TDRD9: variants seen among roughly 807,000 people sequenced by gnomAD.
TDRD9 encodes the protein ATP-dependent RNA helicase TDRD9.
A neutral mutation model predicts 172.6 loss-of-function variants in TDRD9; 124 were observed. That is an observed-to-expected ratio of 0.72 (90% CI 0.62 to 0.83). TDRD9 has a LOEUF of 0.83. Ranked by LOEUF, TDRD9 falls within the 40% of genes least tolerant of loss-of-function variation. The probability of loss-of-function intolerance (pLI) is 0.00; values close to 1 mark genes in which losing one functional copy is unlikely to be tolerated. For synonymous variants in TDRD9, 619 were observed against 617.1 expected, an observed-to-expected ratio of 1.00 and a Z score of -0.05; for missense variants, 1,479 against 1,714.1, an observed-to-expected ratio of 0.86 and a Z score of 2.42.
Position 104,016,052 on chromosome 14 carries a change from G to A in TDRD9, c.2295G>A (p.Arg765=). 1 of 1,604,436 alleles carries A rather than the reference G, an allele frequency of 6.2e-7. No individual in the cohort carries two copies. Among genetic ancestry groups the A allele is most frequent in the Non-Finnish European group, 8.5e-7 (1 of 1,175,758 alleles). ...FGQPDEEMAV[R]ELAGKDPKTT... ...AGCCGGATGAGGAGATGGCGGTGAG[G>A]GAGCTGGCTGGCAAGGACCCCAAGA... The change falls in exon 22 of 36, where the codon AGG becomes AGA. Residue 765 remains arginine (R), a synonymous_variant. Transcript: ENST00000409874.
intron 13 of TDRD9, among the ~76,000 whole-genome samples, 167 bp downstream of exon 13, chr14:103,998,895 C>A (rs2034156903): frequency 6.6e-6 from 1 of 151,946 alleles, no homozygotes; most frequent in South Asian, 2.1e-4. Flanking sequence ...CGGGTTCTTG[C>A]CATTCTCCTG....
intron 20 of TDRD9, among the ~76,000 whole-genome samples, chr14:104,009,034 A>G (rs2034529473): frequency 6.6e-6 from 1 of 152,266 alleles, no homozygotes; most frequent in Non-Finnish European, 1.5e-5. Flanking sequence ...ATCCTTGTGC[A>G]AACAGCATAG....
intron 32 of TDRD9, among the ~76,000 whole-genome samples, chr14:104,035,420 C>T (rs2035421471): frequency 6.6e-6 from 1 of 152,200 alleles, no homozygotes; most frequent in African/African-American, 2.4e-5. Flanking sequence ...CAGTTGTCGA[C>T]AAGAACCCGT....
At chr14:104,025,947 C>T in intron 26 of TDRD9, 100 bp from the exon 27 acceptor site, 1 of 1,001,470 alleles carries the variant, frequency 1.0e-6, no homozygotes, top group Non-Finnish European at 1.5e-6. Context: ...TCCAAGAATT[C>T]TATAATTATA....
intron 23 of TDRD9, among the ~76,000 whole-genome samples, chr14:104,019,467 C>T (rs1479199902): frequency 1.3e-5 from 2 of 152,040 alleles, no homozygotes; most frequent in Admixed American, 1.3e-4. Flanking sequence ...TTGCCTGGGA[C>T]CTTTTTTATA....
At chr14:103,990,665 C>T (rs2033832084) in intron 8 of TDRD9, among the ~76,000 whole-genome samples, 2 of 152,192 alleles carry the variant, frequency 1.3e-5, no homozygotes, top group Non-Finnish European at 2.9e-5. Context: ...CTGTATCTTA[C>T]ACAGAGGAGG....
intron 1 of TDRD9, among the ~76,000 whole-genome samples, chr14:103,933,756 T>C (rs2030559554): frequency 1.3e-5 from 2 of 152,162 alleles, no homozygotes; most frequent in Admixed American, 1.3e-4. Flanking sequence ...TGAAGTTGAA[T>C]GCCTGCTGTA....
In TDRD9 at chr14:104,052,062, C is replaced by A. The variant is rs779226947; in HGVS notation, c.4129C>A (p.Leu1377Met). Reference sequence around the variant, plus strand: ...CACCTTTCTCTACCAGCTCCACAAACTGGTTGTGCTCGGCACCTGAGCATG... The same window carrying A: ...CACCTTTCTCTACCAGCTCCACAAAATGGTTGTGCTCGGCACCTGAGCATG... ...KNTFLYQLHK[L>M]VVLGT The change falls in exon 36 of 36, where the codon CTG (leucine) becomes ATG (methionine). Residue 1377 changes from leucine to methionine, a missense_variant. Physicochemically the swap from Leu to Met is conservative, Grantham distance 15. Around this residue, in one of 3 missense-constraint regions of TDRD9, gnomAD observed 1,413 missense variants for 1,649.1 expected, o/e 0.86. Coordinates refer to ENST00000409874, the MANE Select transcript of TDRD9 (RefSeq NM_153046.3). 8 of 1,580,052 alleles carry A rather than the reference C, an allele frequency of 5.1e-6. No homozygotes were observed. Among genetic ancestry groups the A allele is most frequent in the Non-Finnish European group, 5.2e-6 (6 of 1,162,384 alleles).
rs373594772 is a variant in TDRD9, at chr14:104,025,647, C to A, written c.2802C>A (p.Asn934Lys). 4.3e-6 allele frequency: 7 copies of A among 1,613,908 alleles called. No homozygotes were observed. The highest frequency in any genetic ancestry group is 2.5e-6 in the Non-Finnish European group (3 of 1,179,902). ...EILKKLTAEI[N>K]QLTLVPLPTH... ...TGAAAAAGCTTACTGCTGAAATCAACCAACTGACGCTGGTGCCCTTGCCCA... is the reference window on the plus strand; with the variant it reads ...TGAAAAAGCTTACTGCTGAAATCAAACAACTGACGCTGGTGCCCTTGCCCA... The change falls in exon 26 of 36, where the codon AAC (asparagine) becomes AAA (lysine). Residue 934 changes from asparagine to lysine, a missense_variant. By Grantham distance (94) the Asn-to-Lys change is moderately conservative. Around this residue, in one of 3 missense-constraint regions of TDRD9, gnomAD observed 1,413 missense variants for 1,649.1 expected, o/e 0.86. Transcript: ENST00000409874.
At chr14:104,037,156 C>T (rs545445436) in intron 32 of TDRD9, among the ~76,000 whole-genome samples, 28 of 152,124 alleles carry the variant, frequency 1.8e-4, no homozygotes, top group African/African-American at 6.3e-4. Flanking sequence ...TCTTCTGCAG[C>T]GAGCAGGAGG....
intron 1 of TDRD9, among the ~76,000 whole-genome samples, chr14:103,946,669 C>T (rs576080704): frequency 1.3e-5 from 2 of 152,304 alleles, no homozygotes; most frequent in Admixed American, 6.5e-5. Flanking sequence ...TCCACAAAAA[C>T]CTGTCAGAAC....
chr14:104,034,904 G>T, intron 31 of TDRD9, 56 bp from the exon 32 acceptor site: 3 of 1,404,190 alleles, frequency 2.1e-6, no homozygotes, highest in Non-Finnish European at 2.9e-6. Context: ...GGGAGGGAAC[G>T]CTGCCCTGAG....
At chr14:103,960,492 C>T (rs1046491962) in intron 2 of TDRD9, among the ~76,000 whole-genome samples, 2 of 152,162 alleles carry the variant, frequency 1.3e-5, no homozygotes, top group African/African-American at 4.8e-5. Context: ...GTCCTCATGC[C>T]GTTTTTGGAT....
At chr14:103,958,464 C>T (rs572669096) in intron 2 of TDRD9, among the ~76,000 whole-genome samples, 2 of 152,276 alleles carry the variant, frequency 1.3e-5, no homozygotes, top group South Asian at 4.1e-4. Flanking sequence ...TTCTAATCCC[C>T]AGGACCTGTG....
At chr14:104,038,204 GTGGGGGGA>G (rs1373017554) in intron 32 of TDRD9, among the ~76,000 whole-genome samples, 1 of 152,142 alleles carries the variant, frequency 6.6e-6, no homozygotes, top group Non-Finnish European at 1.5e-5. Flanking sequence ...GCATGAGAGG[GTGGGGGGA>G]TCTTTAAACA....
At chr14:104,043,075 A>T (rs915730659) in intron 34 of TDRD9, among the ~76,000 whole-genome samples, 1 of 151,820 alleles carries the variant, frequency 6.6e-6, no homozygotes, top group Non-Finnish European at 1.5e-5. Flanking sequence ...GCTCAAGCTG[A>T]GTGCAGTGGT....
intron 34 of TDRD9, among the ~76,000 whole-genome samples, chr14:104,046,629 C>T (rs571338926): frequency 6.6e-6 from 1 of 150,762 alleles, no homozygotes; most frequent in East Asian, 2.0e-4. Flanking sequence ...AGCATTAGTC[C>T]TCCTGTTTTA....
At chr14:103,974,950 T>TCGAGACTC (rs1346606473) in intron 6 of TDRD9, among the ~76,000 whole-genome samples, 1 of 152,098 alleles carries the variant, frequency 6.6e-6, no homozygotes. Context: ...ATTTATTTTT[T>TCGAGACTC]TGTAGAGACA....
chr14:104,014,232 A>C (rs1428382098), intron 20 of TDRD9, among the ~76,000 whole-genome samples: 2 of 5,564 alleles, frequency 3.6e-4, no homozygotes, highest in Non-Finnish European at 1.4e-3. Flanking sequence ...AGACTGTCTC[A>C]AAAAAAAAAA....
Sources: gnomAD v4.1 joint callset for allele counts (sites outside exome capture counted in the v4.1 genomes callset) on GRCh38, gnomAD v4.1.1 for gene constraint, gnomAD v4.1.1 regional missense constraint, MANE v1.5 for transcripts, NCBI Gene and HGNC (gene_info 2026-07-23, HGNC 2026-07-21) for gene names.